Variants in DGCR6L observed in about 807,000 individuals in gnomAD.
DGCR6L encodes the protein protein DGCR6L.
In DGCR6L, 24 loss-of-function variants were observed where a neutral mutation model predicts 31.1. The observed-to-expected ratio is 0.77, with a 90% CI of 0.56 to 1.08. The LOEUF (loss-of-function observed/expected upper bound fraction) is 1.08, where lower values mean the gene tolerates loss of function less well. DGCR6L is among the 50% of genes least tolerant of loss of function. The pLI is 0.00. For missense variants in DGCR6L, 218 were observed against 287.1 expected, an observed-to-expected ratio of 0.76 and a Z score of 1.74; for synonymous variants, 104 against 126.1, an observed-to-expected ratio of 0.82 and a Z score of 1.17.
intron 3 of DGCR6L, 84 bp from the exon 4 acceptor site, chr22:20,315,560 C>T: frequency 6.5e-7 from 1 of 1,539,466 alleles, no homozygotes; most frequent in South Asian, 1.2e-5. Flanking sequence ...AGCTCAAACA[C>T]ATGCTCCTGC....
chr22:20,315,852 C>T lies in DGCR6L; in HGVS notation c.372+267G>A, dbSNP rs140861187. Among the ~76,000 whole-genome samples, 970 of 152,316 alleles carry T rather than the reference C, an allele frequency of 6.4e-3. 10 individuals carry two copies. The highest frequency in any genetic ancestry group is 0.021 in the African/African-American group (869 of 41,574). On this transcript the variant is annotated intron_variant, in intron 3 of 4. Transcript: ENST00000248879. Reference sequence around the variant, plus strand: ...CATTGCCTTTGTACCCCCCTGAGGCCACCTGCTCTGTGGAGGCCCAAACCC... The same window carrying T: ...CATTGCCTTTGTACCCCCCTGAGGCTACCTGCTCTGTGGAGGCCCAAACCC...
intron 2 of DGCR6L, 103 bp from the exon 3 acceptor site, chr22:20,316,322 G>A: frequency 7.0e-7 from 1 of 1,437,720 alleles, no homozygotes; most frequent in East Asian, 2.5e-5. Context: ...GGCCAAAGGG[G>A]TGTCTGCAGT....
At chr22:20,316,432 G>A (rs567024238) in intron 2 of DGCR6L, among the ~76,000 whole-genome samples, 6 of 152,344 alleles carry the variant, frequency 3.9e-5, no homozygotes, top group Admixed American at 3.9e-4. Context: ...AAGGTGCGGG[G>A]CACTGAAAGA....
rs535424353 is a variant in DGCR6L, at chr22:20,319,814, G to C, written c.111-15C>G. The C allele has an allele frequency of 6.5e-5, 104 of 1,604,402 alleles. No homozygotes were observed. The highest frequency in any genetic ancestry group is 8.2e-5 in the Non-Finnish European group (97 of 1,176,020). ...GCTGGAAAGAGCTGCGGGTAGGGGGGCGCGGTGAGCCCCGGCGGGAAACGA... is the reference window on the plus strand; with the variant it reads ...GCTGGAAAGAGCTGCGGGTAGGGGGCCGCGGTGAGCCCCGGCGGGAAACGA... On this transcript the variant is annotated splice_polypyrimidine_tract_variant and intron_variant, in intron 1 of 4. Transcript: ENST00000248879.
In DGCR6L at chr22:20,314,749, C is replaced by T; in HGVS notation, c.589G>A (p.Ala197Thr). The change falls in exon 5 of 5, where the codon GCC becomes ACC. Residue 197 changes from alanine to threonine, a missense_variant. Physicochemically the swap from Ala to Thr is moderately conservative, Grantham distance 58. This residue lies in a region of DGCR6L where 58 missense variants were observed against 105.4 expected (regional missense o/e 0.55). Coordinates refer to ENST00000248879, the MANE Select transcript of DGCR6L (RefSeq NM_033257.4). ...QQRGCRAGNA[A>T]LGLGGPWQSP... is the part of the protein sequence containing the mutation. ...TGCCAGGGACCTCCCAGTCCCAGGG[C>T]TGCATTCCCTGCCCGGCAGCCCCTC... 1.9e-6 allele frequency: 3 copies of T among 1,612,298 alleles called. No individual in the cohort carries two copies. Among genetic ancestry groups the T allele is most frequent in the Non-Finnish European group, 1.7e-6 (2 of 1,179,842 alleles).
rs139856599 is a variant in DGCR6L at position 20,317,053 on chromosome 22, T to C, written c.272-834A>G. Reference sequence around the variant, plus strand: ...CAGCTCCCCAGGAGGGAGGGGTCCCTGGCCAAAAGAAAAGGTGAAACCCAA... The same window carrying C: ...CAGCTCCCCAGGAGGGAGGGGTCCCCGGCCAAAAGAAAAGGTGAAACCCAA... On this transcript the variant is annotated intron_variant, in intron 2 of 4. Coordinates refer to ENST00000248879, the MANE Select transcript of DGCR6L (RefSeq NM_033257.4). Among the ~76,000 whole-genome samples, 795 of 152,206 alleles carry C rather than the reference T, an allele frequency of 5.2e-3. 4 individuals carry two copies. Among genetic ancestry groups the C allele is most frequent in the Middle Eastern group, 0.01 (3 of 294 alleles).
At chr22:20,315,579 C>G in intron 3 of DGCR6L, 103 bp from the exon 4 acceptor site, 1 of 1,487,314 alleles carries the variant, frequency 6.7e-7, no homozygotes, top group Non-Finnish European at 9.0e-7. Flanking sequence ...GCTGCCGTCC[C>G]CAGTGGCAGC....
Position 20,316,120 on chromosome 22 carries a change from T to C in DGCR6L, c.371A>G (p.Glu124Gly), listed in dbSNP as rs575784275. 2.5e-6 allele frequency: 4 copies of C among 1,609,020 alleles called. No individual in the cohort carries two copies. Among genetic ancestry groups the C allele is most frequent in the South Asian group, 1.1e-5 (1 of 90,344 alleles). Residue 124 changes from glutamate (E) to glycine (G), a missense_variant and splice_region_variant, in exon 3 of 5, where the codon GAG (glutamate) becomes GGG (glycine). Transcript: ENST00000248879. ...VVQAAQQREL[E>G]AVEHRIREEQ... Reference sequence around the variant, plus strand: ...CCACCCTGCCTGCGCCCCCAGTACCTCTAGTTCTCGCTGCTGAGCCGCCTG... The same window carrying C: ...CCACCCTGCCTGCGCCCCCAGTACCCCTAGTTCTCGCTGCTGAGCCGCCTG...
chr22:20,316,032 C>A lies in DGCR6L; in HGVS notation c.372+87G>T, dbSNP rs9618782. The A allele has an allele frequency of 1.1e-3, 1,585 of 1,449,252 alleles. 16 individuals carry two copies. The African/African-American group carries it at 0.018, about 17-fold the overall frequency. 89.8% of individuals were successfully genotyped at this position (1,449,252 alleles called of 1,614,324 possible). The stretch of plus-strand genomic sequence containing the variant: ...GGACAGCCACCCATGCCTGAGCCCC[C>A]ACACCCCTTCAGCTCAGCCCAGTCA... On this transcript the variant is annotated intron_variant, in intron 3 of 4. Coordinates refer to ENST00000248879, the MANE Select transcript of DGCR6L (RefSeq NM_033257.4).
At chr22:20,315,172 T>C (rs1489586879) in intron 4 of DGCR6L, 164 bp downstream of exon 4, 1 of 1,493,552 alleles carries the variant, frequency 6.7e-7, no homozygotes. Flanking sequence ...GGAATGGGCC[T>C]GGCCTCCGTG....
chr22:20,316,947 T>C (rs2051575840), intron 2 of DGCR6L, among the ~76,000 whole-genome samples: 1 of 152,172 alleles, frequency 6.6e-6, no homozygotes, highest in African/African-American at 2.4e-5. Context: ...GAGGAAGCGA[T>C]CATGGGACAT....
chr22:20,316,015 AC>A (rs2051568394), intron 3 of DGCR6L, 103 bp downstream of exon 3: 4 of 1,372,852 alleles, frequency 2.9e-6, no homozygotes, highest in African/African-American at 1.4e-5. Context: ...CAGGACAGCC[AC>A]CCATGCCTGA....
chr22:20,317,149 G>T (rs965381209), intron 2 of DGCR6L, among the ~76,000 whole-genome samples: 6 of 152,308 alleles, frequency 3.9e-5, no homozygotes, highest in Admixed American at 3.3e-4. Flanking sequence ...GAACTCCAGG[G>T]CCCCTGAGGC....
At chr22:20,319,240 G>C (rs1206500771) in intron 2 of DGCR6L, among the ~76,000 whole-genome samples, 1 of 152,158 alleles carries the variant, frequency 6.6e-6, no homozygotes, top group Non-Finnish European at 1.5e-5. Flanking sequence ...GCCTGAGAGG[G>C]AACTGACCCT....
In DGCR6L at chr22:20,320,012, G is replaced by A. The variant is rs780545609; in HGVS notation, c.-24C>T. 28 of 1,526,336 alleles carry A rather than the reference G, an allele frequency of 1.8e-5. No homozygotes were observed. Among genetic ancestry groups the A allele is most frequent in the East Asian group, 7.3e-5 (3 of 41,326 alleles). 94.5% of individuals were successfully genotyped at this position (1,526,336 alleles called of 1,614,324 possible). The stretch of plus-strand genomic sequence containing the variant: ...ATGGCGCGGACGCCCGCTAGCCGCC[G>A]GCGGCGGCGACGAGCTCCCCCAGCT... On this transcript the variant is annotated 5_prime_UTR_variant, in exon 1 of 5. Transcript: ENST00000248879.
At chr22:20,315,815 C>T (rs1281568297) in intron 3 of DGCR6L, among the ~76,000 whole-genome samples, 1 of 152,186 alleles carries the variant, frequency 6.6e-6, no homozygotes, top group East Asian at 1.9e-4. Flanking sequence ...CTTCCTGGCC[C>T]CAACACCCTA....
chr22:20,314,918 A>G, intron 4 of DGCR6L, 94 bp from the exon 5 acceptor site: 1 of 1,583,302 alleles, frequency 6.3e-7, no homozygotes. Flanking sequence ...CACGGGGGCG[A>G]CCATCCTGTG....
At chr22:20,315,301 A>C (rs1364604452) in intron 4 of DGCR6L, 35 bp downstream of exon 4, 1 of 1,596,228 alleles carries the variant, frequency 6.3e-7, no homozygotes, top group Non-Finnish European at 8.5e-7. Flanking sequence ...GCCCCGGGGC[A>C]CTCGGGCTAG....
At chr22:20,316,014 C>A (rs1306131237) in intron 3 of DGCR6L, 105 bp downstream of exon 3, 3 of 1,363,896 alleles carry the variant, frequency 2.2e-6, no homozygotes, top group Non-Finnish European at 2.9e-6. Context: ...CCAGGACAGC[C>A]ACCCATGCCT....
Sources: allele counts gnomAD v4.1 joint callset (sites outside exome capture counted in the v4.1 genomes callset), GRCh38; gene constraint gnomAD v4.1.1; regional missense constraint gnomAD v4.1.1; transcripts MANE v1.5; gene names NCBI Gene and HGNC (gene_info 2026-07-23, HGNC 2026-07-21).